The following NSRP1 variants were observed in gnomAD, a reference collection of about 807,000 sequenced individuals.
The protein encoded by NSRP1 is nuclear speckle splicing regulatory protein 1.
In NSRP1, 24 loss-of-function variants were observed where a neutral mutation model predicts 54.7. The observed-to-expected ratio is 0.44, with a 90% CI of 0.32 to 0.62. NSRP1 has a LOEUF of 0.62. Among genes scored for constraint, NSRP1 ranks in the 20% least tolerant of loss-of-function variants. NSRP1 has a pLI of 0.06. For missense variants in NSRP1, 596 were observed against 651.2 expected (o/e 0.92, Z 0.92); for synonymous variants, 210 against 213.8 (o/e 0.98, Z 0.15).
chr17:30,149,258 C>T (rs541423120), intron 2 of NSRP1, among the ~76,000 whole-genome samples: 44 of 151,942 alleles, frequency 2.9e-4, no homozygotes, highest in African/African-American at 1.0e-3. Flanking sequence ...CTGTGTTGTC[C>T]GGGCTTGTCT....
At chr17:30,149,811 AG>A (rs1447897789) in intron 2 of NSRP1, among the ~76,000 whole-genome samples, 1 of 144,118 alleles carries the variant, frequency 6.9e-6, no homozygotes, top group African/African-American at 2.6e-5. Flanking sequence ...CTCCAGCCTG[AG>A]TGACAGAGCA....
chr17:30,124,188 C>A (rs1369425126), intron 2 of NSRP1, among the ~76,000 whole-genome samples: 2 of 151,948 alleles, frequency 1.3e-5, no homozygotes, highest in Non-Finnish European at 2.9e-5. Flanking sequence ...TTGCTTGAGC[C>A]CAGGTTTGAG....
At chr17:30,151,774 C>CTTTTT (rs780507533) in intron 2 of NSRP1, among the ~76,000 whole-genome samples, 68 of 48,704 alleles carry the variant, frequency 1.4e-3, no homozygotes, top group Middle Eastern at 0.015. Flanking sequence ...TTGTCACTTT[C>CTTTTT]TTTTTTTTTT....
chr17:30,148,395 G>C (rs574017692), intron 2 of NSRP1, among the ~76,000 whole-genome samples: 8 of 152,250 alleles, frequency 5.3e-5, no homozygotes, highest in African/African-American at 1.7e-4. Context: ...AATGTCTGTA[G>C]GATTTTAATT....
At chr17:30,142,456 G>A (rs1032419423) in intron 2 of NSRP1, among the ~76,000 whole-genome samples, 3 of 150,896 alleles carry the variant, frequency 2.0e-5, no homozygotes, top group Admixed American at 6.6e-5. Context: ...CTCCAGAGTA[G>A]TTGGGAATAT....
chr17:30,165,359 G>A (rs1904692709), intron 2 of NSRP1, among the ~76,000 whole-genome samples: 1 of 152,114 alleles, frequency 6.6e-6, no homozygotes, highest in Non-Finnish European at 1.5e-5. Flanking sequence ...AAGCAGTGTG[G>A]GTGTACCAGT....
intron 2 of NSRP1, among the ~76,000 whole-genome samples, chr17:30,169,434 A>G (rs1310730010): frequency 6.6e-6 from 1 of 152,104 alleles, no homozygotes; most frequent in Non-Finnish European, 1.5e-5. Context: ...AGTCCTGAAG[A>G]CATCATTAAC....
At chr17:30,173,142 T>G (rs1205219729) in intron 3 of NSRP1, among the ~76,000 whole-genome samples, 3 of 152,128 alleles carry the variant, frequency 2.0e-5, no homozygotes, top group Admixed American at 6.5e-5. Context: ...TTTTATATTT[T>G]TAGTAGAGAC....
Position 30,133,141 on chromosome 17 carries a change from A to G in NSRP1, c.114+14968A>G, listed in dbSNP as rs1038781940. 3.7e-4 allele frequency among the ~76,000 whole-genome samples: 52 copies of G among 140,434 alleles called. No individual in the cohort carries two copies. The South Asian group carries it at 0.011, about 28-fold the overall frequency. 92.1% of individuals were successfully genotyped at this position (140,434 alleles called of 152,430 possible). On this transcript the variant is annotated intron_variant, in intron 2 of 6. Transcript: ENST00000247026. ...TTTTTTTTTTTTTTTTGGTAGAGAC[A>G]GGGGTCTCACCATGTTGCCCAGTAT...
chr17:30,162,650 T>C (rs1904562113), intron 2 of NSRP1, among the ~76,000 whole-genome samples: 1 of 152,208 alleles, frequency 6.6e-6, no homozygotes, highest in African/African-American at 2.4e-5. Flanking sequence ...GGTGCAACTT[T>C]TATTTAAGAA....
chr17:30,121,820 G>A (rs751441103), intron 2 of NSRP1, among the ~76,000 whole-genome samples: 10 of 151,972 alleles, frequency 6.6e-5, no homozygotes, highest in East Asian at 1.9e-4. Context: ...CACCTCGCCC[G>A]GCCTCCCAAA....
At chr17:30,175,335 AG>A (rs1404952881) in intron 3 of NSRP1, among the ~76,000 whole-genome samples, 1 of 152,006 alleles carries the variant, frequency 6.6e-6, no homozygotes, top group Non-Finnish European at 1.5e-5. Context: ...AACATAACGG[AG>A]GTTTTTGATT....
chr17:30,164,692 A>G (rs1904666285), intron 2 of NSRP1, among the ~76,000 whole-genome samples: 1 of 151,940 alleles, frequency 6.6e-6, no homozygotes, highest in African/African-American at 2.4e-5. Flanking sequence ...CAGCTACTCC[A>G]GATGCTGAGG....
intron 1 of NSRP1, 131 bp downstream of exon 1, chr17:30,116,994 A>T: frequency 2.6e-6 from 3 of 1,163,730 alleles, no homozygotes; most frequent in South Asian, 2.6e-5. Flanking sequence ...GGAAAAAACG[A>T]GAAGTCCTGA....
At chr17:30,153,064 A>G (rs1196997251) in intron 2 of NSRP1, among the ~76,000 whole-genome samples, 1 of 151,574 alleles carries the variant, frequency 6.6e-6, no homozygotes, top group East Asian at 1.9e-4. Context: ...ACAGGCGTGC[A>G]CCACCACACC....
chr17:30,175,095 TGTTTTCTTTGG>T (rs1163857892), intron 3 of NSRP1, among the ~76,000 whole-genome samples: 25 of 152,210 alleles, frequency 1.6e-4, no homozygotes, highest in African/African-American at 5.3e-4. Flanking sequence ...TTCTTCATTC[TGTTTTCTTTGG>T]GTTTATTTTG....
At chr17:30,131,318 G>A (rs1360118269) in intron 2 of NSRP1, among the ~76,000 whole-genome samples, 1 of 150,756 alleles carries the variant, frequency 6.6e-6, no homozygotes. Context: ...AATTTAATTA[G>A]TAATCTTATT....
At chr17:30,148,075 A>G (rs555422544) in intron 2 of NSRP1, among the ~76,000 whole-genome samples, 4 of 152,284 alleles carry the variant, frequency 2.6e-5, no homozygotes, top group South Asian at 4.1e-4. Context: ...TCAGCCTCCC[A>G]AAGTGTTAGG....
At chr17:30,138,711 A>G (rs2071771508) in intron 2 of NSRP1, among the ~76,000 whole-genome samples, 1 of 152,038 alleles carries the variant, frequency 6.6e-6, no homozygotes, top group Non-Finnish European at 1.5e-5. Flanking sequence ...TGGATCATAT[A>G]GTAATTCTGT....
Sources: gnomAD v4.1 joint callset for allele counts (sites outside exome capture counted in the v4.1 genomes callset) on GRCh38, gnomAD v4.1.1 for gene constraint, MANE v1.5 for transcripts, NCBI Gene and HGNC (gene_info 2026-07-23, HGNC 2026-07-21) for gene names.